Variants in NTM observed in about 807,000 individuals in gnomAD.
NTM encodes the protein neurotrimin, also known as IgLON family member 2.
NTM carries 13 observed loss-of-function variants against 42.1 expected under a neutral mutation model. The observed-to-expected ratio is 0.31, with a 90% CI of 0.20 to 0.49. The LOEUF (loss-of-function observed/expected upper bound fraction) is 0.49. Ranked by LOEUF, NTM falls within the 20% of genes least tolerant of loss-of-function variation. The probability of loss-of-function intolerance (pLI) is 0.99; values close to 1 mark genes in which losing one functional copy is unlikely to be tolerated. For synonymous variants in NTM, 187 were observed against 179.2 expected, an observed-to-expected ratio of 1.04 and a Z score of -0.35; for missense variants, 373 against 452.8, an observed-to-expected ratio of 0.82 and a Z score of 1.60.
intron 2 of NTM, among the ~76,000 whole-genome samples, chr11:131,990,765 G>A (rs2066874846): frequency 6.6e-6 from 1 of 152,180 alleles, no homozygotes; most frequent in East Asian, 1.9e-4. Flanking sequence ...CAAGCCTAAT[G>A]TAGCATGGAG....
intron 2 of NTM, among the ~76,000 whole-genome samples, chr11:132,089,714 G>A (rs546052929): frequency 1.3e-5 from 2 of 152,104 alleles, no homozygotes; most frequent in African/African-American, 2.4e-5. Context: ...TTTGTAAAGC[G>A]TCAGTGATTT....
intron 1 of NTM, among the ~76,000 whole-genome samples, chr11:131,893,532 G>C (rs2051725290): frequency 6.6e-6 from 1 of 152,210 alleles, no homozygotes; most frequent in African/African-American, 2.4e-5. Flanking sequence ...ATAAACGAAA[G>C]CTGGAGCAGA....
intron 1 of NTM, among the ~76,000 whole-genome samples, chr11:131,478,177 G>A (rs1355982): frequency 0.14 from 21,031 of 152,040 alleles, 1,587 homozygotes; most frequent in Non-Finnish European, 0.18. Flanking sequence ...ATTTCTTGTG[G>A]CACCTAACTT....
chr11:131,379,024 T>C (rs772342010), intron 1 of NTM, among the ~76,000 whole-genome samples: 7 of 152,198 alleles, frequency 4.6e-5, no homozygotes, highest in Non-Finnish European at 1.0e-4. Flanking sequence ...AGTCAGCAGA[T>C]CTAAGAGGCA....
chr11:132,193,582 C>T (rs1197934820), intron 3 of NTM, among the ~76,000 whole-genome samples: 2 of 151,914 alleles, frequency 1.3e-5, no homozygotes, highest in East Asian at 3.9e-4. Flanking sequence ...AAATTAACAA[C>T]CAAATGTCAT....
chr11:131,393,654 C>G (rs533374233), intron 1 of NTM, among the ~76,000 whole-genome samples: 70 of 152,316 alleles, frequency 4.6e-4, no homozygotes, highest in African/African-American at 1.7e-3. Context: ...TTCTTCCCAA[C>G]AGCGCAAAGA....
chr11:131,519,049 T>C (rs183345688), intron 1 of NTM, among the ~76,000 whole-genome samples: 3 of 152,362 alleles, frequency 2.0e-5, no homozygotes, highest in Non-Finnish European at 4.4e-5. Flanking sequence ...AAATGAGTTT[T>C]ACCTGGTGAT....
At chr11:132,079,161 A>G (rs912615185) in intron 2 of NTM, among the ~76,000 whole-genome samples, 10 of 152,128 alleles carry the variant, frequency 6.6e-5, no homozygotes, top group African/African-American at 2.2e-4. Context: ...CTCCCACCCA[A>G]TGAGATTTGT....
At chr11:131,951,185 A>AG (rs1483713315) in intron 2 of NTM, among the ~76,000 whole-genome samples, 1 of 152,156 alleles carries the variant, frequency 6.6e-6, no homozygotes, top group East Asian at 1.9e-4. Context: ...ATAGGATCAG[A>AG]GGGGGAATAA....
At chr11:132,073,444 C>T (rs2057965327) in intron 2 of NTM, among the ~76,000 whole-genome samples, 1 of 152,190 alleles carries the variant, frequency 6.6e-6, no homozygotes, top group South Asian at 2.1e-4. Flanking sequence ...AAGTACCTAG[C>T]TCCCCTGGTA....
intron 2 of NTM, among the ~76,000 whole-genome samples, chr11:132,019,281 A>G (rs1410513973): frequency 6.6e-6 from 1 of 151,936 alleles, no homozygotes; most frequent in Non-Finnish European, 1.5e-5. Context: ...TTTTTTTAAC[A>G]TAGACGTTTA....
intron 1 of NTM, among the ~76,000 whole-genome samples, chr11:131,426,307 T>C (rs1302497526): frequency 6.6e-6 from 1 of 152,052 alleles, no homozygotes; most frequent in Non-Finnish European, 1.5e-5. Context: ...GAAATCCTGC[T>C]CCAGGACAGT....
chr11:132,105,522 C>A (rs1456892519), intron 2 of NTM, among the ~76,000 whole-genome samples: 4 of 151,986 alleles, frequency 2.6e-5, no homozygotes, highest in African/African-American at 9.7e-5. Context: ...GAGAAAGGAA[C>A]CAGAGGAAGA....
chr11:131,498,810 C>G (rs1464504697), intron 1 of NTM, among the ~76,000 whole-genome samples: 1 of 152,202 alleles, frequency 6.6e-6, no homozygotes, highest in Non-Finnish European at 1.5e-5. Flanking sequence ...CTCATTTGAT[C>G]TCCTTTATTC....
chr11:131,677,978 C>G (rs1003746541), intron 1 of NTM, among the ~76,000 whole-genome samples: 1 of 152,226 alleles, frequency 6.6e-6, no homozygotes, highest in African/African-American at 2.4e-5. Context: ...TGTCTCTTCA[C>G]TGATATGCAG....
At chr11:131,626,873 T>C (rs1398073138) in intron 1 of NTM, among the ~76,000 whole-genome samples, 1 of 152,192 alleles carries the variant, frequency 6.6e-6, no homozygotes, top group African/African-American at 2.4e-5. Flanking sequence ...CCAGCCCTTG[T>C]TCCCCGAATT....
At chr11:131,667,826 C>T (rs890438049) in intron 1 of NTM, among the ~76,000 whole-genome samples, 1 of 152,150 alleles carries the variant, frequency 6.6e-6, no homozygotes, top group East Asian at 1.9e-4. Context: ...CCTGGGTGGG[C>T]CTGGGCATCC....
chr11:131,790,532 G>A lies in NTM; in HGVS notation c.83-121032G>A, dbSNP rs183144473. ...CCCTCATGGCCTCAGAGGCAAGAAG[G>A]ATGCATCCCATGTATTCAGCCCCTT... On this transcript the variant is annotated intron_variant, in intron 1 of 8. Coordinates refer to ENST00000683400, the MANE Select transcript of NTM (RefSeq NM_001352005.2). Among the ~76,000 whole-genome samples the A allele has an allele frequency of 1.9e-4, 29 of 152,258 alleles. No individual in the cohort carries two copies. The East Asian group carries it at 5.2e-3, about 27-fold the overall frequency.
intron 1 of NTM, among the ~76,000 whole-genome samples, chr11:131,500,563 ATATATATATATATATTTTTT>A: frequency 7.8e-5 from 2 of 25,508 alleles, no homozygotes; most frequent in South Asian, 3.9e-3. Flanking sequence ...ATATATATAT[ATATATATATATATATTTTTT>A]TTTTTTTTTT....
Sources: allele counts gnomAD v4.1 joint callset (sites outside exome capture counted in the v4.1 genomes callset), GRCh38; gene constraint gnomAD v4.1.1; transcripts MANE v1.5; gene names NCBI Gene and HGNC (gene_info 2026-07-23, HGNC 2026-07-21).